The following STK10 variants were observed in gnomAD, a reference collection of about 807,000 sequenced individuals.
STK10 encodes the protein serine/threonine-protein kinase 10.
STK10 carries 78 observed loss-of-function variants against 113.8 expected under a neutral mutation model. The ratio of observed to expected loss-of-function variants is 0.69; its 90% CI spans 0.57 to 0.83. The LOEUF (loss-of-function observed/expected upper bound fraction) is 0.83. STK10 is among the 40% of genes least tolerant of loss of function. The probability of loss-of-function intolerance (pLI) is 0.00; values close to 1 mark genes in which losing one functional copy is unlikely to be tolerated. For synonymous variants in STK10, 465 were observed against 494.7 expected, an observed-to-expected ratio of 0.94 and a Z score of 0.80; for missense variants, 1,109 against 1,280.1, an observed-to-expected ratio of 0.87 and a Z score of 2.04.
Position 172,093,492 on chromosome 5 carries a change from T to G in STK10, c.1474A>C (p.Thr492Pro). The change falls in exon 9 of 19, where the codon ACC (threonine) becomes CCC (proline). Residue 492 changes from threonine to proline, a missense_variant. Physicochemically the swap from Thr to Pro is conservative, Grantham distance 38. Around this residue, in one of 5 missense-constraint regions of STK10, gnomAD observed 885 missense variants for 991.1 expected, o/e 0.89. Transcript: ENST00000176763. The surrounding 1 kb of genome is among the most constrained non-coding windows in gnomAD (Gnocchi z 4.1). ...GTACCATAGTCCATGCTCTCAGAGG[T>G]GCAGAGGCTGCTGCAGTCCGAGTCC... Reference protein sequence around the residue: ...KRDSDCSSLCTSESMDYGTNL... With the variant: ...KRDSDCSSLCPSESMDYGTNL... 6.2e-7 allele frequency: 1 copy of G among 1,614,120 alleles called. No individual in the cohort carries two copies. The highest frequency in any genetic ancestry group is 1.1e-5 in the South Asian group (1 of 91,078).
At chr5:172,186,102 C>G (rs1389381001) in intron 1 of STK10, among the ~76,000 whole-genome samples, 1 of 151,824 alleles carries the variant, frequency 6.6e-6, no homozygotes, top group Admixed American at 6.6e-5. Context: ...GGTGAAACCC[C>G]GTCTCTACTA....
chr5:172,113,221 G>C (rs543369333), intron 4 of STK10, among the ~76,000 whole-genome samples: 3 of 151,860 alleles, frequency 2.0e-5, no homozygotes, highest in South Asian at 2.1e-4. Context: ...CACTGCACTG[G>C]GGGGGGTGTC....
In STK10 at chr5:172,133,208, G is replaced by T. The variant is rs898828766; in HGVS notation, c.322-5787C>A. 6.6e-6 allele frequency among the ~76,000 whole-genome samples: 1 copy of T among 152,138 alleles called. No homozygotes were observed. ...TGGAGAGCTGTGTGTGCGTGTGTGC[G>T]TGTGTGTCTGGGGAGATACACCAAA... On this transcript the variant is annotated intron_variant, in intron 2 of 18. Coordinates refer to ENST00000176763, the MANE Select transcript of STK10 (RefSeq NM_005990.4). The surrounding 1 kb of genome is among the most constrained non-coding windows in gnomAD (Gnocchi z 4.9).
At chr5:172,056,021 T>C (rs1408611776) in intron 15 of STK10, among the ~76,000 whole-genome samples, 3 of 152,238 alleles carry the variant, frequency 2.0e-5, no homozygotes, top group Non-Finnish European at 4.4e-5. Context: ...TAATCAATGA[T>C]GGCATGCCAT....
At chr5:172,148,771 G>T (rs1358807607) in intron 2 of STK10, among the ~76,000 whole-genome samples, 1 of 152,250 alleles carries the variant, frequency 6.6e-6, no homozygotes, top group Non-Finnish European at 1.5e-5. Context: ...CAGGGGGCAG[G>T]AGAGAAGGCT....
At chr5:172,052,794 G>A in intron 18 of STK10, 135 bp downstream of exon 18, 1 of 802,556 alleles carries the variant, frequency 1.2e-6, no homozygotes, top group Non-Finnish European at 2.0e-6. Flanking sequence ...CTCTCTCTCA[G>A]GCTGGAGATC....
At position 172,052,989 on chromosome 5, in the gene STK10, C is replaced by T; in HGVS notation, c.2706G>A (p.Leu902=). ...TCAGGTTCTGGTTATGGCTCTCATC[C>T]AGGGCCTTCAGTTTCTGGGTTTCGT... The part of the protein sequence containing the change: ...VEHETQKLKA[L]DESHNQNLKE... Residue 902 remains leucine (L), a synonymous_variant, in exon 18 of 19, where the codon CTG becomes CTA. Coordinates refer to ENST00000176763, the MANE Select transcript of STK10 (RefSeq NM_005990.4). 1.2e-6 allele frequency: 2 copies of T among 1,614,194 alleles called. No homozygotes were observed. The highest frequency in any genetic ancestry group is 1.7e-6 in the Non-Finnish European group (2 of 1,180,050).
Position 172,188,189 on chromosome 5 carries a change from G to A in STK10, c.-147C>T. On this transcript the variant is annotated 5_prime_UTR_variant, in exon 1 of 19. Coordinates refer to ENST00000176763, the MANE Select transcript of STK10 (RefSeq NM_005990.4). The surrounding 1 kb of genome is among the most constrained non-coding windows in gnomAD (Gnocchi z 5.6). ...CCGCCTTTCCCCGCAGCCCGACCTC[G>A]GTCAAGTGTGCCCTGGGCAGCGCCG... is the stretch of plus-strand genomic sequence containing the variant. 2 of 1,368,182 alleles carry A rather than the reference G, an allele frequency of 1.5e-6. No homozygotes were observed. Among genetic ancestry groups the A allele is most frequent in the East Asian group, 2.6e-5 (1 of 38,202 alleles). The allele number at this position is 1,368,182 out of a possible 1,614,324, so 84.8% of individuals were successfully genotyped here.
chr5:172,059,657 T>G (rs922343846), intron 14 of STK10, among the ~76,000 whole-genome samples: 1 of 152,012 alleles, frequency 6.6e-6, no homozygotes, highest in Admixed American at 6.6e-5. Flanking sequence ...CATCTAGACA[T>G]GTGAGCCCCC....
Position 172,173,019 on chromosome 5 carries a change from C to T in STK10, c.156+14868G>A, listed in dbSNP as rs374548351. Among the ~76,000 whole-genome samples, 46 of 152,164 alleles carry T rather than the reference C, an allele frequency of 3.0e-4. No homozygotes were observed. In the East Asian group the frequency reaches 4.1e-3, roughly 13 times the overall value. Reference sequence around the variant, plus strand: ...AAAGCCTCTGAGGCGAGGAGACCCGCGTGGGGTGGGCTGGGGTCTTCAGGG... The same window carrying T: ...AAAGCCTCTGAGGCGAGGAGACCCGTGTGGGGTGGGCTGGGGTCTTCAGGG... On this transcript the variant is annotated intron_variant, in intron 1 of 18. Transcript: ENST00000176763.
chr5:172,096,498 C>T lies in STK10; in HGVS notation c.933G>A (p.Lys311=). Residue 311 remains lysine, a synonymous_variant, in exon 8 of 19, where the codon AAG becomes AAA. Transcript: ENST00000176763. The part of the protein sequence containing the change: ...KALRELVAEA[K]AEVMEEIEDG... ...CTTCGATCTCTTCCATCACCTCGGCCTTGGCCTCAGCCACCAGCTCCCGCA... is the reference window on the plus strand; with the variant it reads ...CTTCGATCTCTTCCATCACCTCGGCTTTGGCCTCAGCCACCAGCTCCCGCA... 6.2e-7 allele frequency: 1 copy of T among 1,613,820 alleles called. No individual in the cohort carries two copies. The highest frequency in any genetic ancestry group is 8.5e-7 in the Non-Finnish European group (1 of 1,180,044).
Position 172,187,495 on chromosome 5 carries a change from TAA to T in STK10, c.156+390_156+391del, listed in dbSNP as rs1051262766. 1.3e-5 allele frequency among the ~76,000 whole-genome samples: 2 copies of T among 148,934 alleles called. No homozygotes were observed. The highest frequency in any genetic ancestry group is 4.9e-5 in the African/African-American group (2 of 40,558). On this transcript the variant is annotated intron_variant, in intron 1 of 18. Transcript: ENST00000176763. The surrounding 1 kb of genome is among the most constrained non-coding windows in gnomAD (Gnocchi z 4.6). ...TTCCCACAGCATCTGTGGTCTCTCTTAAAAAAAAAAGTGTGCCCGTATCGCCG... is the reference window on the plus strand; with the variant it reads ...TTCCCACAGCATCTGTGGTCTCTCTTAAAAAAAAGTGTGCCCGTATCGCCG...
At chr5:172,118,650 C>T (rs939646175) in intron 3 of STK10, among the ~76,000 whole-genome samples, 9 of 151,422 alleles carry the variant, frequency 5.9e-5, no homozygotes, top group Admixed American at 2.0e-4. Context: ...GAAGCAGAGG[C>T]GGGGGGGATC....
intron 12 of STK10, among the ~76,000 whole-genome samples, chr5:172,066,633 C>CAA (rs1768076743): frequency 2.0e-5 from 3 of 152,104 alleles, no homozygotes; most frequent in Non-Finnish European, 4.4e-5. Context: ...ACTAAAAATA[C>CAA]AAAAATCAGC....
At chr5:172,087,255 GCTTATTTA>G (rs1332024811) in intron 10 of STK10, among the ~76,000 whole-genome samples, 1 of 128,678 alleles carries the variant, frequency 7.8e-6, no homozygotes, top group Non-Finnish European at 1.6e-5. Context: ...TTTGGTTTTG[GCTTATTTA>G]TTTATTTATT....
At position 172,187,819 on chromosome 5, in the gene STK10, C is replaced by T; in HGVS notation, c.156+68G>A. The T allele has an allele frequency of 6.4e-7, 1 of 1,572,734 alleles. No individual in the cohort carries two copies. Among genetic ancestry groups the T allele is most frequent in the Admixed American group, 1.8e-5 (1 of 54,300 alleles). On this transcript the variant is annotated intron_variant, in intron 1 of 18. Coordinates refer to ENST00000176763, the MANE Select transcript of STK10 (RefSeq NM_005990.4). The surrounding 1 kb of genome is among the most constrained non-coding windows in gnomAD (Gnocchi z 4.6). Reference sequence around the variant, plus strand: ...GAGCCGGAGCCAGGCTGGCCGGGTCCGGCTCAGGCATCCCTTCCTTCCGGA... The same window carrying T: ...GAGCCGGAGCCAGGCTGGCCGGGTCTGGCTCAGGCATCCCTTCCTTCCGGA...
At chr5:172,045,060 C>G (rs751749466) in intron 18 of STK10, 38 bp from the exon 19 acceptor site, 1 of 1,608,600 alleles carries the variant, frequency 6.2e-7, no homozygotes, top group Admixed American at 1.7e-5. Context: ...TTGGTGAGAT[C>G]TGCAGGCCAC....
chr5:172,188,177 C>T lies in STK10; in HGVS notation c.-135G>A, dbSNP rs984397985. ...TTCTCCCCAGACCCGCCTTTCCCCG[C>T]AGCCCGACCTCGGTCAAGTGTGCCC... is the stretch of plus-strand genomic sequence containing the variant. On this transcript the variant is annotated 5_prime_UTR_variant, in exon 1 of 19. Transcript: ENST00000176763. This position sits in a 1 kb window ranked among gnomAD's most constrained non-coding sequence, Gnocchi z 5.6. 1.4e-6 allele frequency: 2 copies of T among 1,415,652 alleles called. No individual in the cohort carries two copies. The highest frequency in any genetic ancestry group is 1.5e-5 in the African/African-American group (1 of 68,100). 87.7% of individuals were successfully genotyped at this position (1,415,652 alleles called of 1,614,324 possible). A position where few individuals can be genotyped will look rare whatever the true frequency, so the allele number is the denominator to read the frequency against.
intron 5 of STK10, 102 bp downstream of exon 5, chr5:172,107,678 T>TGCCC: frequency 3.7e-6 from 4 of 1,075,810 alleles, no homozygotes; most frequent in Non-Finnish European, 5.5e-6. Flanking sequence ...GCAGGGCGTG[T>TGCCC]AGCCCTTGTC....
Sources: gnomAD v4.1 joint callset for allele counts (sites outside exome capture counted in the v4.1 genomes callset) on GRCh38, gnomAD v4.1.1 for gene constraint, gnomAD v4.1.1 regional missense constraint, Gnocchi (gnomAD v3.1) non-coding constraint, MANE v1.5 for transcripts, NCBI Gene and HGNC (gene_info 2026-07-23, HGNC 2026-07-21) for gene names.